The following GPC6 variants were observed in gnomAD, a reference collection of about 807,000 sequenced individuals.
GPC6 encodes glypican-6.
A neutral mutation model predicts 55.2 loss-of-function variants in GPC6; 14 were observed. The ratio of observed to expected loss-of-function variants is 0.25; its 90% CI spans 0.17 to 0.40. The LOEUF (loss-of-function observed/expected upper bound fraction) is 0.40, where lower values mean the gene tolerates loss of function less well. Among genes scored for constraint, GPC6 ranks in the 10% least tolerant of loss-of-function variants. The probability of loss-of-function intolerance (pLI) is 1.00; values close to 1 mark genes in which losing one functional copy is unlikely to be tolerated. For missense variants in GPC6, 641 were observed against 708.5 expected (o/e 0.90, Z 1.08); for synonymous variants, 278 against 259.6 (o/e 1.07, Z -0.68).
chr13:93,782,077 A>G (rs1885669741), intron 2 of GPC6, among the ~76,000 whole-genome samples: 2 of 152,104 alleles, frequency 1.3e-5, no homozygotes, highest in South Asian at 2.1e-4. Flanking sequence ...TTTGATCAAC[A>G]TATTCCCAAT....
chr13:93,858,196 T>G (rs1160912947), intron 3 of GPC6, among the ~76,000 whole-genome samples: 1 of 151,672 alleles, frequency 6.6e-6, no homozygotes, highest in African/African-American at 2.4e-5. Flanking sequence ...AAATCTTTAT[T>G]CGTACAATTA....
chr13:94,250,537 T>A (rs1205015709), intron 4 of GPC6, among the ~76,000 whole-genome samples: 2 of 152,186 alleles, frequency 1.3e-5, no homozygotes, highest in African/African-American at 2.4e-5. Context: ...ATTTTAGTTA[T>A]AATTAGAATG....
intron 3 of GPC6, among the ~76,000 whole-genome samples, chr13:93,927,784 A>C (rs1157700784): frequency 6.6e-6 from 1 of 152,182 alleles, no homozygotes; most frequent in Non-Finnish European, 1.5e-5. Flanking sequence ...CAAGAATTTA[A>C]CACAATTCCT....
At chr13:94,328,459 C>T (rs926641173) in intron 6 of GPC6, among the ~76,000 whole-genome samples, 55 of 152,280 alleles carry the variant, frequency 3.6e-4, no homozygotes, top group African/African-American at 1.3e-3. Flanking sequence ...AAAAGCCACA[C>T]GAAGACTTCC....
intron 4 of GPC6, among the ~76,000 whole-genome samples, chr13:94,077,591 T>C (rs1432642537): frequency 6.6e-6 from 1 of 151,898 alleles, no homozygotes; most frequent in Non-Finnish European, 1.5e-5. Context: ...TTCAGTATGA[T>C]GTTAGCTATA....
At chr13:93,659,625 C>G (rs966818346) in intron 2 of GPC6, among the ~76,000 whole-genome samples, 2 of 151,998 alleles carry the variant, frequency 1.3e-5, no homozygotes, top group African/African-American at 2.4e-5. Context: ...ATAATGCTAT[C>G]AATCCTCTCG....
At chr13:93,358,270 G>A (rs1327536070) in intron 1 of GPC6, among the ~76,000 whole-genome samples, 1 of 151,986 alleles carries the variant, frequency 6.6e-6, no homozygotes, top group Non-Finnish European at 1.5e-5. Flanking sequence ...CTTGAGCCTG[G>A]GAGATCGAGC....
chr13:93,852,951 T>C, intron 3 of GPC6, among the ~76,000 whole-genome samples: 1 of 151,660 alleles, frequency 6.6e-6, no homozygotes, highest in Non-Finnish European at 1.5e-5. Flanking sequence ...AGTATTTTAA[T>C]CTTATGCAGG....
At chr13:93,488,629 CTGT>C (rs1298693581) in intron 1 of GPC6, among the ~76,000 whole-genome samples, 1 of 152,164 alleles carries the variant, frequency 6.6e-6, no homozygotes, top group Non-Finnish European at 1.5e-5. Flanking sequence ...TCTCCAGCAC[CTGT>C]TGTTTCCTGA....
At chr13:93,304,033 T>TA (rs1377690254) in intron 1 of GPC6, among the ~76,000 whole-genome samples, 2 of 152,030 alleles carry the variant, frequency 1.3e-5, no homozygotes, top group Non-Finnish European at 2.9e-5. Flanking sequence ...CATGCTTGGC[T>TA]AATTTTTGTA....
chr13:94,196,308 A>G (rs1889575500), intron 4 of GPC6, among the ~76,000 whole-genome samples: 3 of 151,942 alleles, frequency 2.0e-5, no homozygotes, highest in Admixed American at 1.3e-4. Context: ...ATCAAGCTGT[A>G]CATTTGTGTT....
intron 1 of GPC6, among the ~76,000 whole-genome samples, chr13:93,415,934 A>G (rs760353693): frequency 3.9e-5 from 6 of 152,084 alleles, no homozygotes; most frequent in Non-Finnish European, 8.8e-5. Context: ...TATATATTTG[A>G]TATGTTCAGT....
rs372709000 is a variant in GPC6 at position 94,078,325 on chromosome 13, A to G, written c.877+50431A>G. Among the ~76,000 whole-genome samples, 5 of 152,018 alleles carry G rather than the reference A, an allele frequency of 3.3e-5. No individual in the cohort carries two copies. In the East Asian group the frequency reaches 7.7e-4, roughly 23 times the overall value. On this transcript the variant is annotated intron_variant, in intron 4 of 8. Transcript: ENST00000377047. ...ACATTAAAAAGGAGAATGATCTCAA[A>G]AAACCTAATTTTCTACCTCAAGAAC... is the stretch of plus-strand genomic sequence containing the variant.
Position 93,989,919 on chromosome 13 carries a change from CAT to C in GPC6, c.712-37799_712-37798del, listed in dbSNP as rs559234269. On this transcript the variant is annotated intron_variant, in intron 3 of 8. Transcript: ENST00000377047. ...GTGTGTGTGTATATATATATACACACATATATATATATGTATATATATATATT... is the reference window on the plus strand; with the variant it reads ...GTGTGTGTGTATATATATATACACACATATATATATGTATATATATATATT... 2.1e-3 allele frequency among the ~76,000 whole-genome samples: 246 copies of C among 119,332 alleles called. 2 individuals are homozygous for C. The highest frequency in any genetic ancestry group is 6.1e-3 in the African/African-American group (231 of 37,932). The allele number at this position is 119,332 out of a possible 152,430, so 78.3% of individuals were successfully genotyped here.
chr13:93,698,485 C>CTTTTT (rs57058820), intron 2 of GPC6, among the ~76,000 whole-genome samples: 52 of 32,422 alleles, frequency 1.6e-3, no homozygotes, highest in Admixed American at 2.2e-3. Flanking sequence ...CTGTGTGGGT[C>CTTTTT]TTTTTTTTTT....
At chr13:93,455,993 T>G (rs1425617055) in intron 1 of GPC6, among the ~76,000 whole-genome samples, 1 of 152,224 alleles carries the variant, frequency 6.6e-6, no homozygotes, top group Admixed American at 6.5e-5. Flanking sequence ...ACTTATTTTT[T>G]TAGACGGCAT....
intron 4 of GPC6, among the ~76,000 whole-genome samples, chr13:94,081,403 A>T (rs1481322891): frequency 6.6e-6 from 1 of 152,168 alleles, no homozygotes; most frequent in Admixed American, 6.6e-5. Flanking sequence ...AAATTCCCAT[A>T]TTTAATGTCT....
chr13:94,327,558 G>C (rs1877190022), intron 6 of GPC6, among the ~76,000 whole-genome samples: 1 of 152,152 alleles, frequency 6.6e-6, no homozygotes, highest in African/African-American at 2.4e-5. Flanking sequence ...TTCTAAAAAT[G>C]CCAAGCACTT....
intron 4 of GPC6, among the ~76,000 whole-genome samples, chr13:94,121,371 ACTTTTGTATATTAT>A (rs369233759): frequency 0.013 from 1,950 of 152,246 alleles, 22 homozygotes; most frequent in Non-Finnish European, 0.018. Flanking sequence ...AAGGATAATT[ACTTTTGTATATTAT>A]CCTATCGCAC....
Sources: allele counts gnomAD v4.1 joint callset (sites outside exome capture counted in the v4.1 genomes callset), GRCh38; gene constraint gnomAD v4.1.1; transcripts MANE v1.5; gene names NCBI Gene and HGNC (gene_info 2026-07-23, HGNC 2026-07-21).